Variants in KCNH7 observed in about 807,000 individuals in gnomAD.
KCNH7 encodes the protein voltage-gated inwardly rectifying potassium channel KCNH7.
In KCNH7, 49 loss-of-function variants were observed where a neutral mutation model predicts 120.8. That is an observed-to-expected ratio of 0.41 (90% CI 0.32 to 0.51). KCNH7 has a LOEUF of 0.51. Among genes scored for constraint, KCNH7 ranks in the 20% least tolerant of loss-of-function variants. KCNH7 has a pLI of 0.38. For missense variants in KCNH7, 1,097 were observed against 1,446.6 expected (o/e 0.76, Z 3.92); for synonymous variants, 547 against 516.1 (o/e 1.06, Z -0.81).
intron 2 of KCNH7, among the ~76,000 whole-genome samples, chr2:162,688,732 C>CTT (rs71410027): frequency 0.16 from 21,576 of 137,626 alleles, 1,945 homozygotes; most frequent in East Asian, 0.45. Context: ...TGCCCCCATT[C>CTT]TTTTTTTTTT....
At chr2:162,736,238 T>C (rs1013458916) in intron 2 of KCNH7, among the ~76,000 whole-genome samples, 2 of 152,158 alleles carry the variant, frequency 1.3e-5, no homozygotes, top group Non-Finnish European at 2.9e-5. Flanking sequence ...ATGCAATGAG[T>C]TGCTTTTTGA....
At chr2:162,373,921 T>C (rs1686061125) in intron 14 of KCNH7, among the ~76,000 whole-genome samples, 1 of 152,210 alleles carries the variant, frequency 6.6e-6, no homozygotes, top group African/African-American at 2.4e-5. Flanking sequence ...GACTACATGT[T>C]TACTAACCTT....
chr2:162,514,750 AT>A (rs1321572418), intron 4 of KCNH7, among the ~76,000 whole-genome samples: 2 of 151,818 alleles, frequency 1.3e-5, no homozygotes, highest in African/African-American at 4.8e-5. Flanking sequence ...AGAAAACAAA[AT>A]TCTGGTTCTT....
chr2:162,692,879 G>T (rs1217446152), intron 2 of KCNH7, among the ~76,000 whole-genome samples: 1 of 152,094 alleles, frequency 6.6e-6, no homozygotes, highest in Non-Finnish European at 1.5e-5. Context: ...CAGCAAGAGA[G>T]AGTGTAAAGG....
At chr2:162,834,153 C>G (rs1272895759) in intron 2 of KCNH7, among the ~76,000 whole-genome samples, 2 of 151,830 alleles carry the variant, frequency 1.3e-5, no homozygotes, top group African/African-American at 4.8e-5. Flanking sequence ...TGAGACTATC[C>G]AAGAATTTGT....
At chr2:162,494,745 T>C (rs1390204088) in intron 6 of KCNH7, among the ~76,000 whole-genome samples, 2 of 152,154 alleles carry the variant, frequency 1.3e-5, no homozygotes, top group Non-Finnish European at 2.9e-5. Flanking sequence ...GATATAGGAC[T>C]TGGACAGGAG....
At chr2:162,827,984 T>G (rs147159400) in intron 2 of KCNH7, among the ~76,000 whole-genome samples, 2,494 of 152,204 alleles carry the variant, frequency 0.016, 63 homozygotes, top group African/African-American at 0.052. Flanking sequence ...CCACAAAAAT[T>G]AAAATCTGAA....
intron 6 of KCNH7, among the ~76,000 whole-genome samples, chr2:162,480,826 G>A (rs916504278): frequency 3.9e-5 from 6 of 152,136 alleles, no homozygotes; most frequent in East Asian, 1.9e-4. Flanking sequence ...AAGAAGTTAC[G>A]AAGTGAGGGG....
At chr2:162,479,132 C>A (rs535640260) in intron 6 of KCNH7, among the ~76,000 whole-genome samples, 1 of 148,816 alleles carries the variant, frequency 6.7e-6, no homozygotes, top group African/African-American at 2.5e-5. Flanking sequence ...TAGAATGAGG[C>A]CCTGTAATGA....
intron 2 of KCNH7, among the ~76,000 whole-genome samples, chr2:162,704,140 A>G (rs1051143370): frequency 6.6e-6 from 1 of 152,108 alleles, no homozygotes; most frequent in Non-Finnish European, 1.5e-5. Context: ...CCCAGAGTAG[A>G]AATATGTTTT....
chr2:162,724,367 G>T (rs1229166092), intron 2 of KCNH7, among the ~76,000 whole-genome samples: 1 of 152,128 alleles, frequency 6.6e-6, no homozygotes, highest in Non-Finnish European at 1.5e-5. Context: ...TAACAAAATA[G>T]AATAAACATA....
At chr2:162,736,900 T>G (rs1687935113) in intron 2 of KCNH7, among the ~76,000 whole-genome samples, 1 of 152,160 alleles carries the variant, frequency 6.6e-6, no homozygotes, top group Admixed American at 6.5e-5. Context: ...TTCCTGAGGA[T>G]TCAGCAACTA....
At chr2:162,811,248 T>C (rs1684724254) in intron 2 of KCNH7, among the ~76,000 whole-genome samples, 1 of 152,190 alleles carries the variant, frequency 6.6e-6, no homozygotes, top group African/African-American at 2.4e-5. Context: ...AAAAAATCTG[T>C]CTAGCAAGTA....
At chr2:162,756,706 T>C (rs1688801423) in intron 2 of KCNH7, among the ~76,000 whole-genome samples, 1 of 152,102 alleles carries the variant, frequency 6.6e-6, no homozygotes, top group Non-Finnish European at 1.5e-5. Flanking sequence ...CAAGTCGTCC[T>C]CTTGCGTTGG....
intron 2 of KCNH7, among the ~76,000 whole-genome samples, chr2:162,723,543 CAGT>C (rs1490486816): frequency 6.6e-6 from 1 of 152,172 alleles, no homozygotes; most frequent in African/African-American, 2.4e-5. Context: ...TATTTTTGCT[CAGT>C]TTAACTTTAG....
intron 2 of KCNH7, chr2:162,797,117 A>G (rs1684174238): frequency 1.3e-5 from 2 of 152,102 alleles, no homozygotes; most frequent in Non-Finnish European, 2.9e-5. Context: ...ATCTACTGGG[A>G]CTACAGAAGT....
intron 2 of KCNH7, among the ~76,000 whole-genome samples, chr2:162,629,815 A>G (rs895136380): frequency 6.6e-6 from 1 of 152,114 alleles, no homozygotes; most frequent in Non-Finnish European, 1.5e-5. Context: ...AATGTTTACC[A>G]TCACAACACT....
At chr2:162,803,274 C>A (rs1351340088) in intron 2 of KCNH7, among the ~76,000 whole-genome samples, 1 of 151,670 alleles carries the variant, frequency 6.6e-6, no homozygotes, top group African/African-American at 2.4e-5. Flanking sequence ...TTTGATTAAA[C>A]TAGCAATAGA....
At chr2:162,420,477 C>T (rs1687668200) in intron 9 of KCNH7, among the ~76,000 whole-genome samples, 1 of 152,172 alleles carries the variant, frequency 6.6e-6, no homozygotes, top group Non-Finnish European at 1.5e-5. Context: ...TACTCTGAAC[C>T]ATTTGGCTCA....
Sources: allele counts gnomAD v4.1 joint callset (sites outside exome capture counted in the v4.1 genomes callset), GRCh38; gene constraint gnomAD v4.1.1; transcripts MANE v1.5; gene names NCBI Gene and HGNC (gene_info 2026-07-23, HGNC 2026-07-21).